Variants in SHC1 observed in about 807,000 individuals in gnomAD.
SHC1 encodes the protein SHC adaptor protein 1, also known as SHC-transforming protein 1.
Under a neutral mutation model 55.9 loss-of-function variants are expected in SHC1, and 30 were observed. The ratio of observed to expected loss-of-function variants is 0.54; its 90% CI spans 0.40 to 0.73. The LOEUF is 0.73. Among genes scored for constraint, SHC1 ranks in the 30% least tolerant of loss-of-function variants. The probability of loss-of-function intolerance (pLI) is 0.00; values close to 1 mark genes in which losing one functional copy is unlikely to be tolerated. For missense variants in SHC1, 675 were observed against 777.1 expected, an observed-to-expected ratio of 0.87 and a Z score of 1.56; for synonymous variants, 309 against 306.1, an observed-to-expected ratio of 1.01 and a Z score of -0.10.
At chr1:154,971,326 T>C (rs1656729139), upstream of SHC1, among the ~76,000 whole-genome samples, 1 of 152,068 alleles carries the variant, frequency 6.6e-6, no homozygotes, top group South Asian at 2.1e-4. Context: ...GGGAAGTAAG[T>C]GGTCCCAATG....
chr1:154,970,283 C>G lies in SHC1; in HGVS notation c.244G>C (p.Gly82Arg). ...NPAGGRPGSK[G>R]EPGRAADDGE... ...TCATCAGCTGCCCTTCCTGGCTCCCCCTTAGACCCTGGGCGCCCCCCAGCC... is the reference window on the plus strand; with the variant it reads ...TCATCAGCTGCCCTTCCTGGCTCCCGCTTAGACCCTGGGCGCCCCCCAGCC... Residue 82 changes from glycine to arginine, a missense_variant, in exon 1 of 12, where the codon GGG (glycine) becomes CGG (arginine). Coordinates refer to ENST00000448116, the MANE Select transcript of SHC1 (RefSeq NM_001130040.2). This position sits in a 1 kb window ranked among gnomAD's most constrained non-coding sequence, Gnocchi z 5.5. The G allele has an allele frequency of 6.2e-7, 1 of 1,607,280 alleles. No individual in the cohort carries two copies. Among genetic ancestry groups the G allele is most frequent in the Non-Finnish European group, 8.5e-7 (1 of 1,175,906 alleles).
At chr1:154,972,164 G>C (rs573096626), upstream of SHC1, among the ~76,000 whole-genome samples, 5 of 151,348 alleles carry the variant, frequency 3.3e-5, no homozygotes. Flanking sequence ...AGAATCGCTC[G>C]AACCCAGGAG....
chr1:154,965,485 T>C (rs1167096372), intron 11 of SHC1, 58 bp downstream of exon 11: 2 of 1,613,862 alleles, frequency 1.2e-6, no homozygotes, highest in Non-Finnish European at 1.7e-6. Flanking sequence ...AGGGATACAC[T>C]GTAGGGTACT....
chr1:154,968,285 G>A (rs939048697), intron 4 of SHC1, 28 bp from the exon 5 acceptor site: 2 of 1,611,996 alleles, frequency 1.2e-6, no homozygotes, highest in African/African-American at 2.7e-5. Flanking sequence ...GGATGAAGAA[G>A]GAAGGGAATG....
Position 154,965,706 on chromosome 1 carries a change from G to T in SHC1, c.1463C>A (p.Pro488His). ...CCGGCTCAGCTTCCCATGGAACCAG[G>T]GCTCCCCTCGGAGCTGCTCAGCCAT... ...VSMAEQLRGE[P>H]WFHGKLSRRE... The change falls in exon 11 of 12, where the codon CCC becomes CAC. Residue 488 changes from proline (P) to histidine (H), a missense_variant. This residue lies in a region of SHC1 where 360 missense variants were observed against 371.1 expected (regional missense o/e 0.97). Coordinates refer to ENST00000448116, the MANE Select transcript of SHC1 (RefSeq NM_001130040.2). 6.2e-7 allele frequency: 1 copy of T among 1,614,186 alleles called. No homozygotes were observed. Among genetic ancestry groups the T allele is most frequent in the East Asian group, 2.2e-5 (1 of 44,886 alleles).
chr1:154,972,734 G>A (rs1468325094), upstream of SHC1, among the ~76,000 whole-genome samples: 2 of 152,186 alleles, frequency 1.3e-5, no homozygotes, highest in Admixed American at 1.3e-4. Flanking sequence ...AAAGCTGTGT[G>A]TGGCTTCGCA....
chr1:154,970,712 A>G lies in SHC1; in HGVS notation c.-186T>C. ...CCCCAGCTCAGACCCAGACAGTTTC[A>G]GGCCCCATCCCCGCCCAACGTGGAG... On this transcript the variant is annotated 5_prime_UTR_variant, in exon 1 of 12. Transcript: ENST00000448116. This position sits in a 1 kb window ranked among gnomAD's most constrained non-coding sequence, Gnocchi z 5.5. 2 of 519,540 alleles carry G rather than the reference A, an allele frequency of 3.8e-6. No individual in the cohort carries two copies. The highest frequency in any genetic ancestry group is 6.7e-5 in the East Asian group (2 of 29,850). 32.2% of individuals were successfully genotyped at this position (519,540 alleles called of 1,614,324 possible).
At position 154,963,934 on chromosome 1, in the gene SHC1, G is replaced by A; in HGVS notation, c.1627-3C>T. 1 of 1,614,062 alleles carries A rather than the reference G, an allele frequency of 6.2e-7. No homozygotes were observed. Among genetic ancestry groups the A allele is most frequent in the Non-Finnish European group, 8.5e-7 (1 of 1,179,954 alleles). The stretch of plus-strand genomic sequence containing the variant: ...AAGCGGTGATCCTTAGTCCGAACCT[G>A]GGAGGGTGGGAAGGAAGAAGGTCAA... On this transcript the variant is annotated splice_polypyrimidine_tract_variant and splice_region_variant and intron_variant, in intron 11 of 11. Coordinates refer to ENST00000448116, the MANE Select transcript of SHC1 (RefSeq NM_001130040.2).
chr1:154,972,194 G>A (rs1207221690), upstream of SHC1, among the ~76,000 whole-genome samples: 3 of 151,126 alleles, frequency 2.0e-5, no homozygotes, highest in Non-Finnish European at 4.4e-5. Flanking sequence ...GCAGTGAGCC[G>A]AGATCGAGCC....
Position 154,967,758 on chromosome 1 carries a change from T to C in SHC1, c.896A>G (p.Asp299Gly). The C allele has an allele frequency of 6.2e-7, 1 of 1,614,096 alleles. No individual in the cohort carries two copies. Residue 299 changes from aspartate to glycine, a missense_variant, in exon 7 of 12, where the codon GAT becomes GGT. Physicochemically the swap from Asp to Gly is moderately conservative, Grantham distance 94 (BLOSUM62 -1). This residue lies in a region of SHC1 where 159 missense variants were observed against 246.9 expected (regional missense o/e 0.64). Coordinates refer to ENST00000448116, the MANE Select transcript of SHC1 (RefSeq NM_001130040.2). ...GGCCTGGCCAATGGTGCTGATGACA[T>C]CCTGGGCAAGCCCTTCGGGACACTC... is the stretch of plus-strand genomic sequence containing the variant. ...ILECPEGLAQ[D>G]VISTIGQAFE...
At chr1:154,969,947 GA>G in intron 1 of SHC1, 84 bp downstream of exon 1, 4 of 1,473,062 alleles carry the variant, frequency 2.7e-6, no homozygotes, top group Non-Finnish European at 1.9e-6. Flanking sequence ...GGAACAGCAG[GA>G]AAAAAGAGAT....
rs1364675074 is a variant in SHC1, at chr1:154,962,455, C to G, written c.*1348G>C. 6.6e-6 allele frequency: 1 copy of G among 152,648 alleles called. No individual in the cohort carries two copies. Among genetic ancestry groups the G allele is most frequent in the African/African-American group, 2.4e-5 (1 of 41,426 alleles). The allele number at this position is 152,648 out of a possible 1,614,324, so 9.5% of individuals were successfully genotyped here. On this transcript the variant is annotated 3_prime_UTR_variant, in exon 12 of 12. Coordinates refer to ENST00000448116, the MANE Select transcript of SHC1 (RefSeq NM_001130040.2). ...GGGCCGGCTTGCTGTGGTGTGGCCA[C>G]CCCGGGCCTAGGCTGGGCCGGGCCT...
At chr1:154,965,502 T>A in intron 11 of SHC1, 41 bp downstream of exon 11, 1 of 1,613,972 alleles carries the variant, frequency 6.2e-7, no homozygotes, top group African/African-American at 1.3e-5. Flanking sequence ...TACTGTACCT[T>A]CCTTTTTGCC....
Position 154,970,149 on chromosome 1 carries a change from C to T in SHC1, c.378G>A (p.Gly126=). The change falls in exon 1 of 12, where the codon GGG becomes GGA. Residue 126 remains glycine (G), a synonymous_variant. Coordinates refer to ENST00000448116, the MANE Select transcript of SHC1 (RefSeq NM_001130040.2). The surrounding 1 kb of genome is among the most constrained non-coding windows in gnomAD (Gnocchi z 5.5). ...GGGGRRTRVE[G]GQLGGEEWTR... The stretch of plus-strand genomic sequence containing the variant: ...TCCACTCCTCGCCCCCAAGCTGGCC[C>T]CCTTCCACCCGAGTCCTGCGCCCGC... 1 of 1,613,484 alleles carries T rather than the reference C, an allele frequency of 6.2e-7. No homozygotes were observed.
At chr1:154,974,171 A>G (rs933501478), upstream of SHC1, 1 of 154,514 alleles carries the variant, frequency 6.5e-6, no homozygotes, top group South Asian at 1.7e-4. Flanking sequence ...ATAAATGAAG[A>G]CCGGAAGTGG....
At chr1:154,969,664 A>G (rs1454036467) in intron 1 of SHC1, among the ~76,000 whole-genome samples, 1 of 152,206 alleles carries the variant, frequency 6.6e-6, no homozygotes, top group Non-Finnish European at 1.5e-5. Flanking sequence ...CACACTGGGG[A>G]GAGAGTTTGG....
chr1:154,965,810 A>C (rs1447545214), intron 10 of SHC1, 29 bp from the exon 11 acceptor site: 2 of 1,593,916 alleles, frequency 1.3e-6, no homozygotes, highest in East Asian at 4.5e-5. Context: ...GGTGAGGGGA[A>C]GTAGCAGGCA....
At chr1:154,964,357 G>A (rs745772457) in intron 11 of SHC1, 17 of 444,744 alleles carry the variant, frequency 3.8e-5, no homozygotes, top group Admixed American at 1.7e-4. Context: ...GCAACATGGC[G>A]AAACCCCATC....
At position 154,963,600 on chromosome 1, in the gene SHC1, A is replaced by C; in HGVS notation, c.*203T>G. ...CTGTACATTAATACTTTGGTGATTA[A>C]TGTTTGGGGAGAGGCAGGATTCTCA... On this transcript the variant is annotated 3_prime_UTR_variant, in exon 12 of 12. Transcript: ENST00000448116. 1.8e-6 allele frequency: 1 copy of C among 561,442 alleles called. No individual in the cohort carries two copies. Among genetic ancestry groups the C allele is most frequent in the South Asian group, 2.2e-5 (1 of 46,488 alleles). The allele number at this position is 561,442 out of a possible 1,614,324, so 34.8% of individuals were successfully genotyped here. A position where few individuals can be genotyped will look rare whatever the true frequency, so the allele number is the denominator to read the frequency against.
Sources: allele counts gnomAD v4.1 joint callset (sites outside exome capture counted in the v4.1 genomes callset), GRCh38; gene constraint gnomAD v4.1.1; regional missense constraint gnomAD v4.1.1; non-coding constraint Gnocchi (gnomAD v3.1); transcripts MANE v1.5; gene names NCBI Gene and HGNC (gene_info 2026-07-23, HGNC 2026-07-21).